Variants in NRXN2 observed in about 807,000 individuals in gnomAD.
The protein encoded by NRXN2 is neurexin-2-beta.
Under a neutral mutation model 128.8 loss-of-function variants are expected in NRXN2, and 29 were observed. The observed-to-expected ratio is 0.23, with a 90% CI of 0.17 to 0.31. The LOEUF is 0.31. NRXN2 is among the 10% of genes least tolerant of loss of function. The probability of loss-of-function intolerance (pLI) is 1.00; values close to 1 mark genes in which losing one functional copy is unlikely to be tolerated. For synonymous variants in NRXN2, 1,098 were observed against 1,075.2 expected (o/e 1.02, Z -0.41); for missense variants, 1,881 against 2,452.6 (o/e 0.77, Z 4.92).
At position 64,606,214 on chromosome 11, in the gene NRXN2, T is replaced by A. The variant is rs1435775610; in HGVS notation, c.*982A>T. 1 of 152,452 alleles carries A rather than the reference T, an allele frequency of 6.6e-6. No homozygotes were observed. Among genetic ancestry groups the A allele is most frequent in the Non-Finnish European group, 1.5e-5 (1 of 68,024 alleles). 9.4% of individuals were successfully genotyped at this position (152,452 alleles called of 1,614,324 possible). A position where few individuals can be genotyped will look rare whatever the true frequency, so the allele number is the denominator to read the frequency against. On this transcript the variant is annotated 3_prime_UTR_variant, in exon 23 of 23. Coordinates refer to ENST00000265459, the MANE Select transcript of NRXN2 (RefSeq NM_015080.4). ...TTTTTGTTTTCTTTTTCCCACACAT[T>A]TCCGGGGTTGGGGTGTTTTCCAAGA...
intron 17 of NRXN2, among the ~76,000 whole-genome samples, chr11:64,640,443 A>G (rs2045490794): frequency 6.6e-6 from 1 of 151,928 alleles, no homozygotes; most frequent in Non-Finnish European, 1.5e-5. Context: ...GCTTTGCCTC[A>G]CTGCCCAGAA....
chr11:64,712,597 G>C, intron 2 of NRXN2: 2 of 409,586 alleles, frequency 4.9e-6, no homozygotes, highest in Middle Eastern at 3.5e-4. Flanking sequence ...AATGGGCCCT[G>C]TCCACGCAGA....
chr11:64,688,973 G>C (rs973550240), intron 5 of NRXN2: 2 of 232,200 alleles, frequency 8.6e-6, no homozygotes, highest in Non-Finnish European at 1.4e-5. Flanking sequence ...TGTGATGTGA[G>C]AAAGAAGACC....
chr11:64,619,588 C>G (rs1172970478), intron 22 of NRXN2, among the ~76,000 whole-genome samples: 1 of 152,134 alleles, frequency 6.6e-6, no homozygotes, highest in Admixed American at 6.5e-5. Context: ...CCCTGGAGAG[C>G]CTTCCCTCCC....
chr11:64,720,447 C>T (rs2057405242), intron 1 of NRXN2, among the ~76,000 whole-genome samples: 1 of 152,004 alleles, frequency 6.6e-6, no homozygotes, highest in South Asian at 2.1e-4. Flanking sequence ...TGTAGGGGCC[C>T]TTGTGCCTGA....
Position 64,622,992 on chromosome 11 carries a change from C to G in NRXN2, c.3934G>C (p.Gly1312Arg). ...ACCTTGAGCCCATTGTAGTAGAGGC[C>G]GGACACCTGGCCCTGGAAGGGGCGG... ...QGRPFQGQVS[G>R]LYYNGLKVLA... is the part of the protein sequence containing the mutation. The change falls in exon 21 of 23, where the codon GGC becomes CGC. Residue 1312 changes from glycine to arginine, a missense_variant. This residue lies in a region of NRXN2 where 108 missense variants were observed against 165.2 expected (regional missense o/e 0.65). Coordinates refer to ENST00000265459, the MANE Select transcript of NRXN2 (RefSeq NM_015080.4). This position sits in a 1 kb window ranked among gnomAD's most constrained non-coding sequence, Gnocchi z 4.3. The G allele has an allele frequency of 6.2e-7, 1 of 1,613,126 alleles. No homozygotes were observed. Among genetic ancestry groups the G allele is most frequent in the Non-Finnish European group, 8.5e-7 (1 of 1,179,824 alleles).
rs144146456 is a variant in NRXN2, at chr11:64,660,090, C to T, written c.2389+242G>A. 2.5e-3 allele frequency among the ~76,000 whole-genome samples: 381 copies of T among 152,270 alleles called. 1 individual carries two copies. The highest frequency in any genetic ancestry group is 4.0e-3 in the Non-Finnish European group (275 of 68,008). ...TCACCAGGGAGGACAGTTAGCATACCCCAGATACTCTGGGTCTTGCCCCTC... is the reference window on the plus strand; with the variant it reads ...TCACCAGGGAGGACAGTTAGCATACTCCAGATACTCTGGGTCTTGCCCCTC... On this transcript the variant is annotated intron_variant, in intron 11 of 22. Transcript: ENST00000265459. This position sits in a 1 kb window ranked among gnomAD's most constrained non-coding sequence, Gnocchi z 5.2.
At chr11:64,618,983 C>T (rs1203162636) in intron 22 of NRXN2, among the ~76,000 whole-genome samples, 1 of 152,172 alleles carries the variant, frequency 6.6e-6, no homozygotes, top group Non-Finnish European at 1.5e-5. Context: ...CAAGGCTCCA[C>T]AGGCCATGCT....
chr11:64,716,868 C>T (rs2057318409), intron 1 of NRXN2, among the ~76,000 whole-genome samples: 1 of 152,106 alleles, frequency 6.6e-6, no homozygotes, highest in Non-Finnish European at 1.5e-5. Flanking sequence ...AGCCAGCGGA[C>T]ACCTGGGTCC....
Position 64,613,421 on chromosome 11 carries a change from C to T in NRXN2, c.4253-5339G>A, listed in dbSNP as rs115883393. 3.1e-3 allele frequency among the ~76,000 whole-genome samples: 479 copies of T among 152,366 alleles called. 1 individual carries two copies. Among genetic ancestry groups the T allele is most frequent in the African/African-American group, 0.011 (454 of 41,590 alleles). ...ACGCGTCCTTCACCAAACTCATTTT[C>T]CCCTTCTCCTGGGAAGCAAGACTAC... On this transcript the variant is annotated intron_variant, in intron 22 of 22. Transcript: ENST00000265459.
intron 5 of NRXN2, among the ~76,000 whole-genome samples, chr11:64,687,321 G>C (rs575813080): frequency 1.3e-5 from 2 of 152,164 alleles, no homozygotes; most frequent in African/African-American, 4.8e-5. Flanking sequence ...GGCGGGGGGG[G>C]AGTTTCGGAG....
chr11:64,723,007 G>C lies in NRXN2; in HGVS notation c.-281C>G, dbSNP rs1312330382. The C allele has an allele frequency of 2.2e-5, 3 of 137,310 alleles. No homozygotes were observed. The highest frequency in any genetic ancestry group is 4.6e-5 in the Non-Finnish European group (3 of 64,742). The allele number at this position is 137,310 out of a possible 1,614,324, so 8.5% of individuals were successfully genotyped here. On this transcript the variant is annotated 5_prime_UTR_variant, in exon 1 of 23. Coordinates refer to ENST00000265459, the MANE Select transcript of NRXN2 (RefSeq NM_015080.4). ...GGCGCCAGAAGCTGGAGGGTGGGTA[G>C]CAGAGCTACAGGGCCGCCCCGTCTC...
chr11:64,646,968 G>T (rs1381684437), intron 17 of NRXN2, among the ~76,000 whole-genome samples: 2 of 152,126 alleles, frequency 1.3e-5, no homozygotes, highest in Non-Finnish European at 2.9e-5. Context: ...TGAGGGAGAT[G>T]GGGTAGACAT....
chr11:64,648,040 A>G lies in NRXN2; in HGVS notation c.3403+179T>C, dbSNP rs928159980. ...GCAATCCTGCACAGCCCCAGGAGAA[A>G]GACCCTATGAGGGGACAGCAGGCCA... is the stretch of plus-strand genomic sequence containing the variant. On this transcript the variant is annotated intron_variant, in intron 17 of 22. Transcript: ENST00000265459. The surrounding 1 kb of genome is among the most constrained non-coding windows in gnomAD (Gnocchi z 4.1). Among the ~76,000 whole-genome samples, 1 of 152,206 alleles carries G rather than the reference A, an allele frequency of 6.6e-6. No homozygotes were observed. The highest frequency in any genetic ancestry group is 1.5e-5 in the Non-Finnish European group (1 of 68,034).
chr11:64,649,856 C>T (rs984751637), intron 15 of NRXN2, among the ~76,000 whole-genome samples: 1 of 152,086 alleles, frequency 6.6e-6, no homozygotes, highest in Non-Finnish European at 1.5e-5. Flanking sequence ...CTTAGCTCAC[C>T]CTCCTCCTCC....
chr11:64,713,021 C>A lies in NRXN2; in HGVS notation c.679G>T (p.Val227Leu). 6.8e-7 allele frequency: 1 copy of A among 1,480,158 alleles called. No homozygotes were observed. The highest frequency in any genetic ancestry group is 8.9e-7 in the Non-Finnish European group (1 of 1,119,024). 91.7% of individuals were successfully genotyped at this position (1,480,158 alleles called of 1,614,324 possible). A position where few individuals can be genotyped will look rare whatever the true frequency, so the allele number is the denominator to read the frequency against. Residue 227 changes from valine (V) to leucine (L), a missense_variant, in exon 2 of 23, where the codon GTG (valine) becomes TTG (leucine). Around this residue, in one of 7 missense-constraint regions of NRXN2, gnomAD observed 997 missense variants for 1,240.8 expected, o/e 0.80. Coordinates refer to ENST00000265459, the MANE Select transcript of NRXN2 (RefSeq NM_015080.4). ...CCCGTGTGGCTGCAGTCGCAGCCCA[C>A]CTCGCCGGGGGCCAGCACGGTGCAG... ...GLCTVLAPGE[V>L]GCDCSHTGFG...
Position 64,607,816 on chromosome 11 carries a change from G to T in NRXN2, c.4519C>A (p.Pro1507Thr), listed in dbSNP as rs749398433. ...SGEVFDSSLP[P>T]TDDEDFYTTF... ...GTGTAAAAGTCCTCGTCGTCCGTGGGGGGGAGGCTGGAGTCAAAGACCTCC... is the reference window on the plus strand; with the variant it reads ...GTGTAAAAGTCCTCGTCGTCCGTGGTGGGGAGGCTGGAGTCAAAGACCTCC... The change falls in exon 23 of 23, where the codon CCC becomes ACC. Residue 1507 changes from proline (P) to threonine (T), a missense_variant. Around this residue, in one of 7 missense-constraint regions of NRXN2, gnomAD observed 310 missense variants for 318.2 expected, o/e 0.97. Transcript: ENST00000265459. The T allele has an allele frequency of 3.7e-6, 6 of 1,601,796 alleles. No individual in the cohort carries two copies. Among genetic ancestry groups the T allele is most frequent in the African/African-American group, 1.3e-5 (1 of 74,616 alleles).
rs933113358 is a variant in NRXN2 at position 64,607,016 on chromosome 11, G to C, written c.*180C>G. ...GGACTGACGAGGCCGCGCAGTGGAC[G>C]GCAGGAGGAAGGGGGCGAGCACGGG... On this transcript the variant is annotated 3_prime_UTR_variant, in exon 23 of 23. Transcript: ENST00000265459. The C allele has an allele frequency of 2.9e-5, 19 of 662,488 alleles. No individual in the cohort carries two copies. The highest frequency in any genetic ancestry group is 4.3e-5 in the Non-Finnish European group (17 of 396,644). The allele number at this position is 662,488 out of a possible 1,614,324, so 41.0% of individuals were successfully genotyped here. A position where few individuals can be genotyped will look rare whatever the true frequency, so the allele number is the denominator to read the frequency against.
chr11:64,712,761 GGCCCCGCCCACTC>G (rs762257799), intron 2 of NRXN2, 196 bp downstream of exon 2: 89 of 680,612 alleles, frequency 1.3e-4, no homozygotes, highest in East Asian at 1.8e-4. Flanking sequence ...CGCCCAAGCC[GGCCCCGCCCACTC>G]GCCCCGCCCA....
Sources: allele counts gnomAD v4.1 joint callset (sites outside exome capture counted in the v4.1 genomes callset), GRCh38; gene constraint gnomAD v4.1.1; regional missense constraint gnomAD v4.1.1; non-coding constraint Gnocchi (gnomAD v3.1); transcripts MANE v1.5; gene names NCBI Gene and HGNC (gene_info 2026-07-23, HGNC 2026-07-21).